Variants in DOCK10 observed in about 807,000 individuals in gnomAD.
The protein encoded by DOCK10 is dedicator of cytokinesis 10.
DOCK10 carries 145 observed loss-of-function variants against 280.1 expected under a neutral mutation model. The ratio of observed to expected loss-of-function variants is 0.52; its 90% CI spans 0.45 to 0.59. DOCK10 has a LOEUF of 0.59. Among genes scored for constraint, DOCK10 ranks in the 20% least tolerant of loss-of-function variants. The pLI is 0.00. For missense variants in DOCK10, 2,368 were observed against 2,651.7 expected (o/e 0.89, Z 2.35); for synonymous variants, 915 against 942.2 (o/e 0.97, Z 0.53).
chr2:225,035,569 T>G lies in DOCK10; in HGVS notation c.123+6683A>C, dbSNP rs1458567245. ...ATATATATATATATATATATATATA[T>G]ATATATATATATATATATAACACTG... is the stretch of plus-strand genomic sequence containing the variant. On this transcript the variant is annotated intron_variant, in intron 1 of 55. Transcript: ENST00000258390. Among the ~76,000 whole-genome samples, 4 of 52,214 alleles carry G rather than the reference T, an allele frequency of 7.7e-5. 1 individual carries two copies. Among genetic ancestry groups the G allele is most frequent in the South Asian group, 2.0e-3 (2 of 1,002 alleles). 34.3% of individuals were successfully genotyped at this position (52,214 alleles called of 152,430 possible).
At chr2:224,828,703 G>A (rs1695025781) in intron 27 of DOCK10, among the ~76,000 whole-genome samples, 1 of 152,152 alleles carries the variant, frequency 6.6e-6, no homozygotes, top group African/African-American at 2.4e-5. Context: ...CATGTGCTGT[G>A]CTTAATCTCC....
chr2:225,019,030 T>C (rs1239552347), intron 1 of DOCK10, among the ~76,000 whole-genome samples: 1 of 152,078 alleles, frequency 6.6e-6, no homozygotes, highest in African/African-American at 2.4e-5. Flanking sequence ...TAGAACTATA[T>C]AGCCCTGTTA....
intron 9 of DOCK10, 68 bp from the exon 10 acceptor site, chr2:224,874,417 G>T: frequency 8.0e-7 from 1 of 1,253,082 alleles, no homozygotes; most frequent in Admixed American, 2.0e-5. Flanking sequence ...ACATCCACAT[G>T]GCCAAGAAGC....
chr2:224,783,160 T>C (rs1185986326), intron 50 of DOCK10, among the ~76,000 whole-genome samples: 2 of 152,190 alleles, frequency 1.3e-5, no homozygotes, highest in Non-Finnish European at 2.9e-5. Context: ...ATGACCTCCA[T>C]TGGTTCTCCT....
chr2:224,982,207 C>T, intron 1 of DOCK10: 2 of 1,231,670 alleles, frequency 1.6e-6, no homozygotes, highest in Non-Finnish European at 2.0e-6. Flanking sequence ...GATACCATAC[C>T]ATTATGATGA....
Position 224,876,125 on chromosome 2 carries a change from T to C in DOCK10, c.844A>G (p.Ile282Val), listed in dbSNP as rs1487904380. 6.2e-7 allele frequency: 1 copy of C among 1,613,936 alleles called. No individual in the cohort carries two copies. The highest frequency in any genetic ancestry group is 1.7e-5 in the Admixed American group (1 of 60,012). ...TGCAGAATGCGGTTGAGGGTGTGGA[T>C]CCATTCATCCATATCTGACTCTGTT... ...AETESDMDEW[I>V]HTLNRILQIS... Residue 282 changes from isoleucine to valine, a missense_variant, in exon 8 of 56, where the codon ATC becomes GTC. Ile to Val is a conservative substitution (Grantham distance 29). Transcript: ENST00000258390.
At chr2:224,773,387 T>C (rs780691250) in intron 52 of DOCK10, 40 bp from the exon 53 acceptor site, 1 of 1,566,350 alleles carries the variant, frequency 6.4e-7, no homozygotes, top group Non-Finnish European at 8.7e-7. Flanking sequence ...AGGTTGAGGA[T>C]TAGTGAAGAG....
intron 3 of DOCK10, among the ~76,000 whole-genome samples, chr2:224,906,051 C>G (rs1700615140): frequency 1.3e-5 from 2 of 152,142 alleles, no homozygotes; most frequent in African/African-American, 4.8e-5. Context: ...TTGCTTCATC[C>G]TTCCAGCAAT....
intron 1 of DOCK10, among the ~76,000 whole-genome samples, chr2:224,936,161 G>A (rs1338643982): frequency 2.6e-5 from 4 of 152,178 alleles, no homozygotes; most frequent in Non-Finnish European, 4.4e-5. Context: ...GCATAAATCC[G>A]TGAATGACTA....
chr2:224,801,763 T>C (rs1693030437), intron 40 of DOCK10, among the ~76,000 whole-genome samples, 153 bp downstream of exon 40: 1 of 152,178 alleles, frequency 6.6e-6, no homozygotes, highest in Non-Finnish European at 1.5e-5. Context: ...ACTACATTTT[T>C]TTTTAACCAC....
Position 224,914,325 on chromosome 2 carries a change from C to A in DOCK10, c.333+2370G>T, listed in dbSNP as rs563424364. On this transcript the variant is annotated intron_variant, in intron 3 of 55. Coordinates refer to ENST00000258390, the MANE Select transcript of DOCK10 (RefSeq NM_014689.3). ...GCCCCAATTTATTTTTTAAAGCTAG[C>A]ATCTCTCTAAGGAAAGGAAAAAAGA... Among the ~76,000 whole-genome samples the A allele has an allele frequency of 5.9e-5, 9 of 152,196 alleles. No individual in the cohort carries two copies. In the East Asian group the frequency reaches 1.7e-3, roughly 29 times the overall value.
At chr2:224,973,444 C>T (rs989224399) in intron 1 of DOCK10, among the ~76,000 whole-genome samples, 1 of 151,902 alleles carries the variant, frequency 6.6e-6, no homozygotes, top group East Asian at 1.9e-4. Context: ...AGATCAGAGT[C>T]GGAGAGTCGC....
chr2:224,819,721 T>C (rs1380494072), intron 28 of DOCK10, among the ~76,000 whole-genome samples, 192 bp from the exon 29 acceptor site: 2 of 152,058 alleles, frequency 1.3e-5, no homozygotes, highest in East Asian at 3.8e-4. Context: ...CTACAATTTA[T>C]ATTAAAAATG....
At chr2:224,768,204 C>T (rs1285780082) in intron 55 of DOCK10, among the ~76,000 whole-genome samples, 1 of 152,126 alleles carries the variant, frequency 6.6e-6, no homozygotes, top group Admixed American at 6.5e-5. Context: ...GCATGAGCCA[C>T]CGTGCCTGGC....
Position 224,823,647 on chromosome 2 carries a change from G to A in DOCK10, c.3037C>T (p.Leu1013Phe). ...TCAGGAAATCTCTGAGGCCGGGGAA[G>A]CTAAGGAAAGAACGGATTATATCTT... The part of the protein sequence containing the change: ...QHLIDTNKIQ[L>F]PRPQRFPESY... The change falls in exon 28 of 56, where the codon CTT becomes TTT. Residue 1013 changes from leucine to phenylalanine, a missense_variant and splice_region_variant. This residue lies in a region of DOCK10 where 1,209 missense variants were observed against 1,250.9 expected (regional missense o/e 0.97). Transcript: ENST00000258390. 2 of 1,589,408 alleles carry A rather than the reference G, an allele frequency of 1.3e-6. No homozygotes were observed. The highest frequency in any genetic ancestry group is 1.7e-6 in the Non-Finnish European group (2 of 1,171,424).
At chr2:224,965,744 T>C (rs954969237) in intron 1 of DOCK10, among the ~76,000 whole-genome samples, 2 of 152,196 alleles carry the variant, frequency 1.3e-5, no homozygotes, top group Non-Finnish European at 2.9e-5. Flanking sequence ...CCATATAGCA[T>C]AAAATACTGG....
At position 224,961,468 on chromosome 2, in the gene DOCK10, TTTTC is replaced by T. The variant is rs1553623603; in HGVS notation, c.124-29804_124-29801del. On this transcript the variant is annotated intron_variant, in intron 1 of 55. Transcript: ENST00000258390. The stretch of plus-strand genomic sequence containing the variant: ...TTTCTTTCTTTCTTTCTTTCTTTCT[TTTTC>T]TTTCTTTCTTTCTCTTTCTTTCCTT... Among the ~76,000 whole-genome samples, 272 of 66,642 alleles carry T rather than the reference TTTTC, an allele frequency of 4.1e-3. 1 individual carries two copies. Among genetic ancestry groups the T allele is most frequent in the African/African-American group, 0.018 (258 of 14,052 alleles). The allele number at this position is 66,642 out of a possible 152,430, so 43.7% of individuals were successfully genotyped here.
At chr2:224,804,530 T>C (rs1693254564) in intron 38 of DOCK10, among the ~76,000 whole-genome samples, 1 of 152,030 alleles carries the variant, frequency 6.6e-6, no homozygotes, top group Middle Eastern at 3.2e-3. Flanking sequence ...GATAAATTCA[T>C]TCTGAAGATA....
intron 1 of DOCK10, among the ~76,000 whole-genome samples, chr2:225,024,009 AC>A (rs1259811149): frequency 2.6e-5 from 4 of 152,262 alleles, no homozygotes; most frequent in African/African-American, 9.6e-5. Flanking sequence ...GATCCGATGT[AC>A]TAAGGACACC....
Sources: allele counts gnomAD v4.1 joint callset (sites outside exome capture counted in the v4.1 genomes callset), GRCh38; gene constraint gnomAD v4.1.1; regional missense constraint gnomAD v4.1.1; transcripts MANE v1.5; gene names NCBI Gene and HGNC (gene_info 2026-07-23, HGNC 2026-07-21).